Variants in COL4A5 observed in about 807,000 individuals in gnomAD.
COL4A5 encodes collagen type IV alpha 5 chain, also known as collagen alpha-5(IV) chain.
In COL4A5, 26 loss-of-function variants were observed where a neutral mutation model predicts 130.2. That is an observed-to-expected ratio of 0.20 (90% CI 0.15 to 0.28). COL4A5 has a LOEUF of 0.28. Ranked by LOEUF, COL4A5 falls within the 10% of genes least tolerant of loss-of-function variation. The pLI is 1.00. For synonymous variants in COL4A5, 496 were observed against 439.6 expected, an observed-to-expected ratio of 1.13 and a Z score of -1.60; for missense variants, 1,131 against 1,344.3, an observed-to-expected ratio of 0.84 and a Z score of 2.48.
At chrX:108,682,862 A>G (rs2068462696) in intron 47 of COL4A5, among the ~76,000 whole-genome samples, 1 of 111,489 alleles carries the variant, frequency 9.0e-6, no homozygotes, top group African/African-American at 3.3e-5. Flanking sequence ...CAAACTGATG[A>G]TAGTTTCTTT....
In COL4A5 at chrX:108,571,430, A is replaced by T. The variant is rs2066063202; in HGVS notation, c.402A>T (p.Pro134=). Residue 134 remains proline, a synonymous_variant, in exon 7 of 53, where the codon CCA becomes CCT. Transcript: ENST00000328300. The stretch of plus-strand genomic sequence containing the variant: ...CCTTCTAGGGAGAACGTGGATTTCC[A>T]GGCAGTCCCGGTTTTCCTGGTTTAC... ...CNGTKGERGF[P]GSPGFPGLQG... 8.3e-7 allele frequency: 1 copy of T among 1,202,568 alleles called. No homozygotes were observed. Among genetic ancestry groups the T allele is most frequent in the Admixed American group, 2.2e-5 (1 of 45,627 alleles).
Position 108,521,466 on chromosome X carries a change from G to A in COL4A5, c.82-18280G>A, listed in dbSNP as rs774492613. The stretch of plus-strand genomic sequence containing the variant: ...AATAAAGATATTAAAAATATCTCTG[G>A]GCAAAGATAAAGCAAGCTTACTGCC... On this transcript the variant is annotated intron_variant, in intron 1 of 52. Coordinates refer to ENST00000328300, the MANE Select transcript of COL4A5 (RefSeq NM_033380.3). Among the ~76,000 whole-genome samples the A allele has an allele frequency of 2.7e-5, 3 of 110,566 alleles. No homozygotes were observed. The South Asian group carries it at 1.2e-3, about 43-fold the overall frequency.
In COL4A5 at chrX:108,695,530, C is replaced by A; in HGVS notation, c.4994+91C>A. On this transcript the variant is annotated intron_variant, in intron 52 of 52. Transcript: ENST00000328300. ...CAATTTATGGATGGTTTATCCTCAA[C>A]AAATGTTAGGAATTTATTGGATTGT... 2 of 905,604 alleles carry A rather than the reference C, an allele frequency of 2.2e-6. 1 individual carries two copies. The allele number at this position is 905,604 out of a possible 1,213,427, so 74.6% of individuals were successfully genotyped here. A position where few individuals can be genotyped will look rare whatever the true frequency, so the allele number is the denominator to read the frequency against.
rs1445523112 is a variant in COL4A5, at chrX:108,676,675, A to T, written c.3809-825A>T. Among the ~76,000 whole-genome samples, 3 of 112,395 alleles carry T rather than the reference A, an allele frequency of 2.7e-5. No homozygotes were observed. The East Asian group carries it at 8.3e-4, about 31-fold the overall frequency. ...TCAATAAATTTCTAACATTTAAAAA[A>T]ATTCCTATGTATCAAGCATATCACT... On this transcript the variant is annotated intron_variant, in intron 43 of 52. Coordinates refer to ENST00000328300, the MANE Select transcript of COL4A5 (RefSeq NM_033380.3).
intron 1 of COL4A5, among the ~76,000 whole-genome samples, chrX:108,534,824 G>A (rs2065434593): frequency 9.0e-6 from 1 of 110,789 alleles, no homozygotes; most frequent in African/African-American, 3.3e-5. Context: ...TTATGCCATT[G>A]AATCTGTTTG....
At chrX:108,675,733 A>C (rs1351985415) in intron 43 of COL4A5, among the ~76,000 whole-genome samples, 1 of 111,744 alleles carries the variant, frequency 8.9e-6, no homozygotes, top group Non-Finnish European at 1.9e-5. Context: ...AAATACCTGA[A>C]AGATTAAAAA....
intron 17 of COL4A5, among the ~76,000 whole-genome samples, chrX:108,583,803 A>G (rs2066287939): frequency 9.0e-6 from 1 of 111,048 alleles, no homozygotes; most frequent in African/African-American, 3.3e-5. Context: ...GAAAAAGACC[A>G]TCCTTGTGTC....
chrX:108,595,326 G>A (rs935397142), intron 21 of COL4A5, among the ~76,000 whole-genome samples, 183 bp from the exon 22 acceptor site: 3 of 112,146 alleles, frequency 2.7e-5, no homozygotes. Flanking sequence ...ATCTGGAACA[G>A]TTCTTGGCAC....
chrX:108,643,831 A>G (rs2067518072), intron 36 of COL4A5, among the ~76,000 whole-genome samples: 1 of 111,922 alleles, frequency 8.9e-6, no homozygotes. Flanking sequence ...TAAAAACCCC[A>G]AAATACCAAG....
intron 1 of COL4A5, among the ~76,000 whole-genome samples, chrX:108,519,362 C>T (rs2065246981): frequency 9.0e-6 from 1 of 111,328 alleles, no homozygotes; most frequent in African/African-American, 3.2e-5. Context: ...ATATTGTTTA[C>T]ATACAATTTA....
At chrX:108,463,631 C>A (rs1366169940) in intron 1 of COL4A5, among the ~76,000 whole-genome samples, 1 of 111,876 alleles carries the variant, frequency 8.9e-6, no homozygotes, top group African/African-American at 3.3e-5. Flanking sequence ...TCGTGCCCAT[C>A]CCCTTTTAGG....
intron 1 of COL4A5, among the ~76,000 whole-genome samples, chrX:108,526,620 CT>C (rs1255133191): frequency 2.0e-5 from 1 of 50,858 alleles, no homozygotes; most frequent in African/African-American, 1.3e-4. Flanking sequence ...TTCTTTCTTT[CT>C]TTCTTTCTTT....
At chrX:108,675,468 T>A (rs2068286359) in intron 43 of COL4A5, among the ~76,000 whole-genome samples, 1 of 111,825 alleles carries the variant, frequency 8.9e-6, no homozygotes, top group African/African-American at 3.2e-5. Flanking sequence ...TAATTTCTAG[T>A]GCAAATCATA....
intron 47 of COL4A5, 147 bp from the exon 48 acceptor site, chrX:108,685,884 C>A: frequency 2.0e-6 from 1 of 491,568 alleles, no homozygotes; most frequent in Non-Finnish European, 3.6e-6. Context: ...CTTCTTTGGT[C>A]CTGGACTTGA....
intron 1 of COL4A5, among the ~76,000 whole-genome samples, chrX:108,478,140 G>A (rs552699316): frequency 7.2e-5 from 8 of 111,423 alleles, no homozygotes; most frequent in Middle Eastern, 4.6e-3. Flanking sequence ...TCTTACCTCC[G>A]TTATGGAGTA....
Position 108,460,666 on chromosome X carries a change from T to TTC in COL4A5, c.81+20461_81+20462insCT, listed in dbSNP as rs1480980247. 2.1e-3 allele frequency among the ~76,000 whole-genome samples: 172 copies of TTC among 81,223 alleles called. 2 individuals carry two copies. Among genetic ancestry groups the TTC allele is most frequent in the African/African-American group, 7.7e-3 (167 of 21,732 alleles). The allele number at this position is 81,223 out of a possible 115,157, so 70.5% of individuals were successfully genotyped here. On this transcript the variant is annotated intron_variant, in intron 1 of 52. Coordinates refer to ENST00000328300, the MANE Select transcript of COL4A5 (RefSeq NM_033380.3). ...CACCACGCCTGGCAAATTTTTTTTT[T>TTC]TTTTTTTTTTTTTTTTTTTTTAGTA... is the stretch of plus-strand genomic sequence containing the variant.
intron 47 of COL4A5, among the ~76,000 whole-genome samples, chrX:108,684,027 C>T (rs1306893245): frequency 9.0e-6 from 1 of 111,059 alleles, no homozygotes; most frequent in Non-Finnish European, 1.9e-5. Flanking sequence ...GGGTAAATAA[C>T]GAAATTAAGG....
At chrX:108,618,580 A>G (rs757248730) in intron 30 of COL4A5, among the ~76,000 whole-genome samples, 3 of 112,071 alleles carry the variant, frequency 2.7e-5, no homozygotes, top group African/African-American at 9.7e-5. Context: ...TTTCATTTAT[A>G]GAATAAGCTA....
At chrX:108,670,945 G>A (rs1259378628) in intron 42 of COL4A5, among the ~76,000 whole-genome samples, 1 of 111,459 alleles carries the variant, frequency 9.0e-6, no homozygotes, top group Non-Finnish European at 1.9e-5. Context: ...GGGAGGCTGA[G>A]AAAGGAGAAT....
Sources: allele counts gnomAD v4.1 joint callset (sites outside exome capture counted in the v4.1 genomes callset), GRCh38; gene constraint gnomAD v4.1.1; transcripts MANE v1.5; gene names NCBI Gene and HGNC (gene_info 2026-07-23, HGNC 2026-07-21).